The following RBL2 variants were observed in gnomAD, a reference collection of about 807,000 sequenced individuals.
RBL2 encodes RB transcriptional corepressor like 2.
Under a neutral mutation model 126.0 loss-of-function variants are expected in RBL2, and 56 were observed. The ratio of observed to expected loss-of-function variants is 0.44; its 90% CI spans 0.36 to 0.56. RBL2 has a LOEUF of 0.56. RBL2 is among the 20% of genes least tolerant of loss of function. RBL2 has a pLI of 0.00. For missense variants in RBL2, 1,229 were observed against 1,398.2 expected (o/e 0.88, Z 1.93); for synonymous variants, 454 against 478.5 (o/e 0.95, Z 0.67).
chr16:53,489,990 G>GTAAC (rs1961347848), intron 21 of RBL2, 140 bp from the exon 22 acceptor site: 1 of 585,392 alleles, frequency 1.7e-6, no homozygotes, highest in Non-Finnish European at 2.6e-6. Context: ...GGCAGGTTAT[G>GTAAC]TAACTTAGTG....
chr16:53,467,006 A>T, intron 13 of RBL2, 52 bp from the exon 14 acceptor site: 1 of 1,293,938 alleles, frequency 7.7e-7, no homozygotes, highest in Non-Finnish European at 1.1e-6. Flanking sequence ...TTGTATTTGT[A>T]ATTAAAGTGC....
intron 20 of RBL2, chr16:53,481,430 G>C (rs1960941338): frequency 2.5e-6 from 1 of 403,128 alleles, no homozygotes; most frequent in African/African-American, 2.1e-5. Flanking sequence ...CTAGCATATG[G>C]GGTTGTTGTA....
At chr16:53,439,954 C>CAAAAAAAAAAAA (rs10591959) in intron 2 of RBL2, among the ~76,000 whole-genome samples, 17 of 91,936 alleles carry the variant, frequency 1.8e-4, no homozygotes, top group African/African-American at 6.9e-4. Flanking sequence ...ACCTTGTCTC[C>CAAAAAAAAAAAA]AAAAAAAAAA....
In RBL2 at chr16:53,434,490, C is replaced by A; in HGVS notation, c.-67C>A. The A allele has an allele frequency of 7.6e-7, 1 of 1,318,628 alleles. No homozygotes were observed. The allele number at this position is 1,318,628 out of a possible 1,614,324, so 81.7% of individuals were successfully genotyped here. ...GCGGGCGGCGGACGGGCGGGCGCTT[C>A]GCCGTTTGAATGGCTGCGGGCCCGG... On this transcript the variant is annotated 5_prime_UTR_variant, in exon 1 of 22. Transcript: ENST00000262133.
chr16:53,435,043 G>C (rs1598081330), intron 1 of RBL2, among the ~76,000 whole-genome samples: 1 of 152,180 alleles, frequency 6.6e-6, no homozygotes, highest in Admixed American at 6.5e-5. Flanking sequence ...GCAAGGCTGA[G>C]ATCGCGCTGG....
intron 7 of RBL2, chr16:53,454,408 T>C (rs935492620): frequency 9.5e-6 from 4 of 419,672 alleles, no homozygotes; most frequent in South Asian, 8.4e-5. Context: ...TTTCACCATA[T>C]TGGCCAGGCT....
intron 17 of RBL2, among the ~76,000 whole-genome samples, chr16:53,478,794 G>C (rs1371243273): frequency 6.6e-6 from 1 of 151,958 alleles, no homozygotes; most frequent in Non-Finnish European, 1.5e-5. Context: ...GCTAATTTTT[G>C]TATTTTTAGT....
At chr16:53,452,071 A>G (rs910370161) in intron 5 of RBL2, among the ~76,000 whole-genome samples, 1 of 152,222 alleles carries the variant, frequency 6.6e-6, no homozygotes, top group African/African-American at 2.4e-5. Context: ...TATATACTCA[A>G]CAAGGAGAAG....
intron 17 of RBL2, among the ~76,000 whole-genome samples, chr16:53,474,559 A>G (rs1598122331): frequency 6.6e-6 from 1 of 150,436 alleles, no homozygotes; most frequent in South Asian, 2.1e-4. Flanking sequence ...CAGGTGATCC[A>G]CCTGCCTCGG....
In RBL2 at chr16:53,470,402, A is replaced by C; in HGVS notation, c.2265A>C (p.Gly755=). ...IPVQGIANEN[G]GITFFPVQVN... ...CACTAGGTATTGCCAATGAAAATGG[A>C]GGGATAACATTCTTCCCTGTCCAAG... Residue 755 remains glycine, a synonymous_variant, in exon 16 of 22, where the codon GGA becomes GGC. Coordinates refer to ENST00000262133, the MANE Select transcript of RBL2 (RefSeq NM_005611.4). 1 of 1,612,460 alleles carries C rather than the reference A, an allele frequency of 6.2e-7. No individual in the cohort carries two copies. Among genetic ancestry groups the C allele is most frequent in the Non-Finnish European group, 8.5e-7 (1 of 1,178,648 alleles).
At chr16:53,471,077 A>G (rs2058318994) in intron 17 of RBL2, among the ~76,000 whole-genome samples, 155 bp downstream of exon 17, 1 of 152,248 alleles carries the variant, frequency 6.6e-6, no homozygotes, top group Admixed American at 6.5e-5. Context: ...GATATGTGCA[A>G]TACTCACCAC....
intron 17 of RBL2, chr16:53,478,865 A>G (rs1374459685): frequency 2.7e-5 from 8 of 291,960 alleles, no homozygotes; most frequent in Non-Finnish European, 4.4e-5. Flanking sequence ...CAAGTGATCC[A>G]CCCTCCTCAG....
intron 8 of RBL2, among the ~76,000 whole-genome samples, chr16:53,456,167 G>T (rs1331761416): frequency 6.9e-6 from 1 of 144,102 alleles, no homozygotes; most frequent in Non-Finnish European, 1.5e-5. Flanking sequence ...CAGAGCAAGA[G>T]CCTGTCTTTA....
intron 14 of RBL2, among the ~76,000 whole-genome samples, chr16:53,468,381 A>C (rs1318262678): frequency 6.6e-6 from 1 of 150,948 alleles, no homozygotes; most frequent in Non-Finnish European, 1.5e-5. Flanking sequence ...TCTACCCCCA[A>C]CCCCCCCAAA....
At position 53,490,506 on chromosome 16, in the gene RBL2, A is replaced by G. The variant is rs1161324869; in HGVS notation, c.*206A>G. 1 of 405,736 alleles carries G rather than the reference A, an allele frequency of 2.5e-6. No individual in the cohort carries two copies. Among genetic ancestry groups the G allele is most frequent in the Non-Finnish European group, 4.3e-6 (1 of 233,422 alleles). The allele number at this position is 405,736 out of a possible 1,614,324, so 25.1% of individuals were successfully genotyped here. A position where few individuals can be genotyped will look rare whatever the true frequency, so the allele number is the denominator to read the frequency against. On this transcript the variant is annotated 3_prime_UTR_variant, in exon 22 of 22. Transcript: ENST00000262133. ...TCATCCCAACTGTCTTTTTTTCCCT[A>G]CCATTCAGTGATTACTGTCAAGGCT...
chr16:53,460,715 CA>C (rs2058211635), intron 9 of RBL2, among the ~76,000 whole-genome samples: 1 of 151,986 alleles, frequency 6.6e-6, no homozygotes, highest in Non-Finnish European at 1.5e-5. Context: ...TGTGTGTTCC[CA>C]GAAAAATTCT....
intron 4 of RBL2, among the ~76,000 whole-genome samples, chr16:53,447,737 C>A (rs2058075922): frequency 6.6e-6 from 1 of 150,888 alleles, no homozygotes; most frequent in African/African-American, 2.5e-5. Context: ...CTACACCTCC[C>A]AGGTTCAAGT....
chr16:53,471,071 T>G, intron 17 of RBL2, 149 bp downstream of exon 17: 3 of 732,730 alleles, frequency 4.1e-6, no homozygotes, highest in South Asian at 4.3e-5. Context: ...TTCACAGATA[T>G]GTGCAATACT....
At chr16:53,488,850 A>T (rs1317847221) in intron 21 of RBL2, 2 of 152,204 alleles carry the variant, frequency 1.3e-5, no homozygotes, top group Non-Finnish European at 1.5e-5. Context: ...AGAGATAGCA[A>T]ATGCAGACCA....
Sources: gnomAD v4.1 joint callset for allele counts (sites outside exome capture counted in the v4.1 genomes callset) on GRCh38, gnomAD v4.1.1 for gene constraint, MANE v1.5 for transcripts, NCBI Gene and HGNC (gene_info 2026-07-23, HGNC 2026-07-21) for gene names.